Variants in TRIM2 observed in about 807,000 individuals in gnomAD.
TRIM2 encodes the protein tripartite motif-containing protein 2.
TRIM2 carries 20 observed loss-of-function variants against 75.2 expected under a neutral mutation model. That is an observed-to-expected ratio of 0.27 (90% CI 0.19 to 0.39). The LOEUF (loss-of-function observed/expected upper bound fraction) is 0.39. TRIM2 is among the 10% of genes least tolerant of loss of function. The pLI is 1.00. For synonymous variants in TRIM2, 373 were observed against 388.3 expected (o/e 0.96, Z 0.46); for missense variants, 660 against 990.8 (o/e 0.67, Z 4.48).
chr4:153,299,410 TTATC>T (rs1763409621), intron 6 of TRIM2, among the ~76,000 whole-genome samples: 1 of 152,156 alleles, frequency 6.6e-6, no homozygotes, highest in African/African-American at 2.4e-5. Context: ...CACATTTTCT[TTATC>T]TATTCATTTG....
chr4:153,245,824 G>A (rs1748985498), intron 1 of TRIM2, among the ~76,000 whole-genome samples: 1 of 152,132 alleles, frequency 6.6e-6, no homozygotes, highest in African/African-American at 2.4e-5. Flanking sequence ...CTACAGGTGT[G>A]CACCACCATG....
chr4:153,318,556 T>A (rs1768211983), intron 8 of TRIM2, among the ~76,000 whole-genome samples: 1 of 152,206 alleles, frequency 6.6e-6, no homozygotes, highest in African/African-American at 2.4e-5. Context: ...TTTTAATAAT[T>A]GTATATGTGG....
chr4:153,287,475 T>G (rs995092672), intron 3 of TRIM2, among the ~76,000 whole-genome samples: 3 of 152,220 alleles, frequency 2.0e-5, no homozygotes, highest in Non-Finnish European at 1.5e-5. Context: ...CTATTCTTTT[T>G]CTGTATGGCA....
At chr4:153,254,702 T>A (rs1242630746) in intron 1 of TRIM2, among the ~76,000 whole-genome samples, 1 of 152,244 alleles carries the variant, frequency 6.6e-6, no homozygotes, top group African/African-American at 2.4e-5. Flanking sequence ...AGACATATGC[T>A]AAAAATGAGG....
At chr4:153,322,259 A>T (rs2149555386) in intron 8 of TRIM2, among the ~76,000 whole-genome samples, 1 of 152,136 alleles carries the variant, frequency 6.6e-6, no homozygotes, top group East Asian at 1.9e-4. Flanking sequence ...AATACAAAAA[A>T]AATTAGCCAG....
chr4:153,262,057 C>T (rs1177661098), intron 1 of TRIM2, among the ~76,000 whole-genome samples: 1 of 152,084 alleles, frequency 6.6e-6, no homozygotes, highest in Non-Finnish European at 1.5e-5. Context: ...GTTGGCAAGC[C>T]CCCATTAATA....
In TRIM2 at chr4:153,336,455, A is replaced by G. The variant is rs1772466605; in HGVS notation, c.*1489A>G. 4 of 985,746 alleles carry G rather than the reference A, an allele frequency of 4.1e-6. No homozygotes were observed. Among genetic ancestry groups the G allele is most frequent in the South Asian group, 4.7e-5 (1 of 21,284 alleles). 61.1% of individuals were successfully genotyped at this position (985,746 alleles called of 1,614,324 possible). A position where few individuals can be genotyped will look rare whatever the true frequency, so the allele number is the denominator to read the frequency against. On this transcript the variant is annotated 3_prime_UTR_variant, in exon 12 of 12. Coordinates refer to ENST00000338700, the MANE Select transcript of TRIM2 (RefSeq NM_015271.5). ...AATTTAAATATAAATGCATTTTGAG[A>G]AATGTTAAGAACAATTTAGTCAATC...
intron 1 of TRIM2, among the ~76,000 whole-genome samples, chr4:153,176,032 G>A (rs1231306089): frequency 6.6e-6 from 1 of 151,788 alleles, no homozygotes; most frequent in Non-Finnish European, 1.5e-5. Flanking sequence ...TCCAGCCTGG[G>A]CAACATAGTG....
intron 3 of TRIM2, among the ~76,000 whole-genome samples, chr4:153,286,100 T>C (rs1202865463): frequency 6.6e-6 from 1 of 152,244 alleles, no homozygotes; most frequent in Non-Finnish European, 1.5e-5. Flanking sequence ...ATGAGTTTTT[T>C]CTTTCATTCT....
At chr4:153,324,420 G>A (rs1769695961) in intron 10 of TRIM2, 4 of 227,462 alleles carry the variant, frequency 1.8e-5, no homozygotes, top group Non-Finnish European at 3.4e-5. Flanking sequence ...GCAATTCGTT[G>A]AACTTAGAGG....
At chr4:153,268,317 G>A (rs947380828) in intron 1 of TRIM2, among the ~76,000 whole-genome samples, 2 of 152,186 alleles carry the variant, frequency 1.3e-5, no homozygotes, top group Non-Finnish European at 2.9e-5. Flanking sequence ...CCTACAAAGG[G>A]AGACTGGTCC....
chr4:153,252,762 C>G (rs1421855632), intron 1 of TRIM2, among the ~76,000 whole-genome samples: 1 of 152,364 alleles, frequency 6.6e-6, no homozygotes, highest in South Asian at 2.1e-4. Flanking sequence ...CCCACTTCAG[C>G]CTCCCAAAGT....
chr4:153,320,032 A>G (rs1286605407), intron 8 of TRIM2, among the ~76,000 whole-genome samples: 1 of 152,238 alleles, frequency 6.6e-6, no homozygotes. Flanking sequence ...ACAAGTGTTC[A>G]TAATGTTAGG....
chr4:153,313,174 C>T (rs552691463), intron 6 of TRIM2, among the ~76,000 whole-genome samples: 2 of 152,242 alleles, frequency 1.3e-5, no homozygotes, highest in African/African-American at 2.4e-5. Context: ...AGAAACAACT[C>T]GCCATTTCAC....
At chr4:153,297,809 T>C (rs1763056145) in intron 6 of TRIM2, among the ~76,000 whole-genome samples, 1 of 152,210 alleles carries the variant, frequency 6.6e-6, no homozygotes, top group Non-Finnish European at 1.5e-5. Context: ...TTTTCTCCTC[T>C]GTAAAACAAA....
chr4:153,268,583 A>G (rs1048114518), intron 1 of TRIM2, among the ~76,000 whole-genome samples: 1 of 152,188 alleles, frequency 6.6e-6, no homozygotes, highest in Admixed American at 6.5e-5. Context: ...GAGTATTTCC[A>G]TAGGGAATTA....
At chr4:153,244,266 T>C (rs1417695207) in intron 1 of TRIM2, among the ~76,000 whole-genome samples, 1 of 4,654 alleles carries the variant, frequency 2.1e-4, no homozygotes, top group African/African-American at 8.1e-4. Context: ...CTCCTCCTCC[T>C]CCTCCTCCTC....
intron 1 of TRIM2, among the ~76,000 whole-genome samples, chr4:153,261,744 G>C (rs1753640153): frequency 6.6e-6 from 1 of 152,182 alleles, no homozygotes; most frequent in African/African-American, 2.4e-5. Context: ...CTTACTCACT[G>C]TGGTGTCAGC....
intron 1 of TRIM2, among the ~76,000 whole-genome samples, chr4:153,189,647 C>T (rs1732983115): frequency 6.6e-6 from 1 of 152,358 alleles, no homozygotes; most frequent in Admixed American, 6.5e-5. Flanking sequence ...CTCTCAGGCT[C>T]ATGCCTCCCT....
Sources: allele counts gnomAD v4.1 joint callset (sites outside exome capture counted in the v4.1 genomes callset), GRCh38; gene constraint gnomAD v4.1.1; transcripts MANE v1.5; gene names NCBI Gene and HGNC (gene_info 2026-07-23, HGNC 2026-07-21).